The following CFAP61 variants were observed in gnomAD, a reference collection of about 807,000 sequenced individuals.
CFAP61 encodes the protein cilia- and flagella-associated protein 61.
Under a neutral mutation model 135.6 loss-of-function variants are expected in CFAP61, and 107 were observed. That is an observed-to-expected ratio of 0.79 (90% CI 0.67 to 0.93). The LOEUF (loss-of-function observed/expected upper bound fraction) is 0.93, where lower values mean the gene tolerates loss of function less well. CFAP61 is among the 40% of genes least tolerant of loss of function. The pLI, the probability that CFAP61 is intolerant of heterozygous loss-of-function variation, is 0.00. For synonymous variants in CFAP61, 575 were observed against 578.5 expected (o/e 0.99, Z 0.09); for missense variants, 1,507 against 1,556.2 (o/e 0.97, Z 0.53).
chr20:20,244,836 A>G (rs558978261), intron 18 of CFAP61, among the ~76,000 whole-genome samples: 2 of 152,344 alleles, frequency 1.3e-5, no homozygotes, highest in South Asian at 2.1e-4. Context: ...TTAACAGCAC[A>G]CACATCACCT....
At chr20:20,271,547 C>T (rs1231629039) in intron 21 of CFAP61, among the ~76,000 whole-genome samples, 1 of 152,156 alleles carries the variant, frequency 6.6e-6, no homozygotes, top group Non-Finnish European at 1.5e-5. Context: ...ACTTCGGGCT[C>T]CTTCTTGCTT....
Position 20,280,262 on chromosome 20 carries a change from G to C in CFAP61, c.2796+2804G>C, listed in dbSNP as rs138232157. 2.9e-3 allele frequency among the ~76,000 whole-genome samples: 449 copies of C among 152,282 alleles called. 3 individuals carry two copies. Among genetic ancestry groups the C allele is most frequent in the African/African-American group, 0.01 (423 of 41,544 alleles). On this transcript the variant is annotated intron_variant, in intron 22 of 26. Coordinates refer to ENST00000245957, the MANE Select transcript of CFAP61 (RefSeq NM_015585.4). ...GGAGGCAGAGGTTGGTGTGATGGCA[G>C]CTGCAAGTCATGGAATGGCAGGAAT...
At chr20:20,054,340 G>A (rs1600287384) in intron 1 of CFAP61, among the ~76,000 whole-genome samples, 1 of 151,716 alleles carries the variant, frequency 6.6e-6, no homozygotes, top group East Asian at 1.9e-4. Flanking sequence ...AAAACTATGG[G>A]CCGTAGACTA....
At chr20:20,241,563 T>C (rs1236032186) in intron 18 of CFAP61, among the ~76,000 whole-genome samples, 1 of 152,200 alleles carries the variant, frequency 6.6e-6, no homozygotes, top group Non-Finnish European at 1.5e-5. Context: ...GTTTGGTAAT[T>C]TATAAATCAT....
chr20:20,271,996 G>A (rs1449312691), intron 21 of CFAP61, among the ~76,000 whole-genome samples: 1 of 152,198 alleles, frequency 6.6e-6, no homozygotes, highest in African/African-American at 2.4e-5. Context: ...TTCCGGTAAT[G>A]TGAAGGAAGG....
In CFAP61 at chr20:20,217,890, C is replaced by T. The variant is rs138911110; in HGVS notation, c.1933-10359C>T. ...CTCCTTTCAAAGGTTGCTCTCAGAACATAATCTGCAAATCCATTCATGTAG... is the reference window on the plus strand; with the variant it reads ...CTCCTTTCAAAGGTTGCTCTCAGAATATAATCTGCAAATCCATTCATGTAG... On this transcript the variant is annotated intron_variant, in intron 17 of 26. Transcript: ENST00000245957. 1.8e-4 allele frequency among the ~76,000 whole-genome samples: 27 copies of T among 152,326 alleles called. No homozygotes were observed. The South Asian group carries it at 2.3e-3, about 13-fold the overall frequency.
intron 8 of CFAP61, among the ~76,000 whole-genome samples, chr20:20,105,533 T>C (rs531340884): frequency 1.3e-5 from 2 of 152,334 alleles, no homozygotes; most frequent in South Asian, 4.1e-4. Context: ...AAGGCTCTGA[T>C]AGTAATGCAG....
chr20:20,137,667 T>C (rs2146736656), intron 8 of CFAP61, among the ~76,000 whole-genome samples: 1 of 152,142 alleles, frequency 6.6e-6, no homozygotes, highest in South Asian at 2.1e-4. Flanking sequence ...CACTGGCCTA[T>C]AGTAGGTCCA....
rs11458923 is a variant in CFAP61 at position 20,059,326 on chromosome 20, CAAAAAAAAAAAAA to C, written c.143+2544_143+2556del. Among the ~76,000 whole-genome samples, 9 of 45,494 alleles carry C rather than the reference CAAAAAAAAAAAAA, an allele frequency of 2.0e-4. No homozygotes were observed. In the East Asian group the frequency reaches 2.8e-3, roughly 14 times the overall value. 29.8% of individuals were successfully genotyped at this position (45,494 alleles called of 152,430 possible). ...GCCTGGTGACAGAGAGACTCTGTCTCAAAAAAAAAAAAAAAAAAAAAAAAAAGGATTAAAGACT... is the reference window on the plus strand; with the variant it reads ...GCCTGGTGACAGAGAGACTCTGTCTCAAAAAAAAAAAAAGGATTAAAGACT... On this transcript the variant is annotated intron_variant, in intron 2 of 26. Coordinates refer to ENST00000245957, the MANE Select transcript of CFAP61 (RefSeq NM_015585.4).
chr20:20,299,106 A>G (rs1251998358), intron 25 of CFAP61, among the ~76,000 whole-genome samples: 2 of 152,230 alleles, frequency 1.3e-5, no homozygotes, highest in African/African-American at 2.4e-5. Flanking sequence ...CTCGACACCC[A>G]CAGAAGCAAC....
intron 22 of CFAP61, among the ~76,000 whole-genome samples, chr20:20,286,985 G>C (rs1422473502): frequency 6.6e-6 from 1 of 152,200 alleles, no homozygotes; most frequent in African/African-American, 2.4e-5. Flanking sequence ...TCAAGAGGTT[G>C]ATAGCACTGT....
rs1408576547 is a variant in CFAP61 at position 20,114,182 on chromosome 20, A to T, written c.859+15368A>T. On this transcript the variant is annotated intron_variant, in intron 8 of 26. Coordinates refer to ENST00000245957, the MANE Select transcript of CFAP61 (RefSeq NM_015585.4). ...CTACTCAGGAGGCTGAGGTGGGAGG[A>T]TCACCTAACCCTGGGAGGTGGAGGT... is the stretch of plus-strand genomic sequence containing the variant. 2.6e-5 allele frequency among the ~76,000 whole-genome samples: 4 copies of T among 152,276 alleles called. No individual in the cohort carries two copies. The East Asian group carries it at 7.7e-4, about 29-fold the overall frequency.
At position 20,098,751 on chromosome 20, in the gene CFAP61, T is replaced by G; in HGVS notation, c.796T>G (p.Cys266Gly). The G allele has an allele frequency of 1.2e-6, 2 of 1,614,138 alleles. No homozygotes were observed. The highest frequency in any genetic ancestry group is 1.7e-6 in the Non-Finnish European group (2 of 1,180,024). ...TGACTTGGGCCCTTTCCACGGACTC[T>G]GTTTCCCACATCCTGATGACGTTCT... ...CFDLGPFHGL[C>G]FPHPDDVLES... Residue 266 changes from cysteine (C) to glycine (G), a missense_variant, in exon 8 of 27, where the codon TGT (cysteine) becomes GGT (glycine). Transcript: ENST00000245957.
At chr20:20,132,615 G>A (rs898742594) in intron 8 of CFAP61, among the ~76,000 whole-genome samples, 1 of 151,922 alleles carries the variant, frequency 6.6e-6, no homozygotes, top group African/African-American at 2.4e-5. Flanking sequence ...CTCCTGCTTT[G>A]ATTATGGATT....
chr20:20,246,295 A>G, intron 19 of CFAP61, 80 bp downstream of exon 19: 1 of 916,348 alleles, frequency 1.1e-6, no homozygotes, highest in Non-Finnish European at 1.8e-6. Flanking sequence ...TAAATAGTAG[A>G]TTTCAGATTG....
chr20:20,121,605 G>A (rs761085080), intron 8 of CFAP61, among the ~76,000 whole-genome samples: 5 of 151,892 alleles, frequency 3.3e-5, no homozygotes, highest in East Asian at 3.9e-4. Flanking sequence ...AGTGATTCTC[G>A]TGCCTCGGCC....
chr20:20,140,350 C>T (rs936131968), intron 8 of CFAP61, among the ~76,000 whole-genome samples: 1 of 146,036 alleles, frequency 6.8e-6, no homozygotes, highest in Non-Finnish European at 1.5e-5. Flanking sequence ...CACCTCCCCC[C>T]ACCCCACAAC....
chr20:20,165,124 C>T (rs1232979259), intron 11 of CFAP61, among the ~76,000 whole-genome samples: 1 of 152,212 alleles, frequency 6.6e-6, no homozygotes, highest in Non-Finnish European at 1.5e-5. Context: ...TGCTGTTGGA[C>T]CCCTTCTCAG....
chr20:20,074,960 C>T (rs2045952179), intron 4 of CFAP61, among the ~76,000 whole-genome samples: 1 of 152,188 alleles, frequency 6.6e-6, no homozygotes, highest in African/African-American at 2.4e-5. Context: ...TTTATTCTCT[C>T]TGCCTCCATG....
Sources: gnomAD v4.1 joint callset for allele counts (sites outside exome capture counted in the v4.1 genomes callset) on GRCh38, gnomAD v4.1.1 for gene constraint, MANE v1.5 for transcripts, NCBI Gene and HGNC (gene_info 2026-07-23, HGNC 2026-07-21) for gene names.